Variants in ABCA9 observed in about 807,000 individuals in gnomAD.
ABCA9 encodes ATP binding cassette subfamily A member 9.
In ABCA9, 183 loss-of-function variants were observed where a neutral mutation model predicts 205.3. The observed-to-expected ratio is 0.89, with a 90% CI of 0.79 to 1.01. The LOEUF is 1.01. Among genes scored for constraint, ABCA9 ranks in the 50% least tolerant of loss-of-function variants. The probability of loss-of-function intolerance (pLI) is 0.00; values close to 1 mark genes in which losing one functional copy is unlikely to be tolerated. For synonymous variants in ABCA9, 651 were observed against 683.3 expected, an observed-to-expected ratio of 0.95 and a Z score of 0.74; for missense variants, 1,805 against 1,912.4, an observed-to-expected ratio of 0.94 and a Z score of 1.05.
intron 6 of ABCA9, among the ~76,000 whole-genome samples, chr17:69,039,656 A>G (rs544487651): frequency 6.6e-6 from 1 of 152,226 alleles, no homozygotes; most frequent in African/African-American, 2.4e-5. Context: ...CAAAGACTTC[A>G]TGACTAAAAC....
chr17:69,076,934 C>T, the ABCA9 span, among the ~76,000 whole-genome samples: 37 of 151,846 alleles, frequency 2.4e-4, 1 homozygote, highest in East Asian at 6.6e-3. Context: ...AGTTGTCTAT[C>T]GATCTTGTTT....
Position 68,992,164 on chromosome 17 carries a change from A to T in ABCA9, c.3716+11T>A. On this transcript the variant is annotated intron_variant, in intron 28 of 38. Transcript: ENST00000340001. ...AAAATGAAACATGAAATTCGATTTG[A>T]TTTTCTCAACCTGAACACAGGATCC... 1 of 1,536,674 alleles carries T rather than the reference A, an allele frequency of 6.5e-7. No individual in the cohort carries two copies.
intron 3 of ABCA9, among the ~76,000 whole-genome samples, chr17:69,046,953 AATTG>A (rs2071737910): frequency 7.5e-6 from 1 of 133,876 alleles, no homozygotes; most frequent in Non-Finnish European, 1.6e-5. Context: ...ATATATATAT[AATTG>A]TTGTTTGTTG....
intron 6 of ABCA9, among the ~76,000 whole-genome samples, chr17:69,041,911 CTTTATT>C (rs1567967089): frequency 1.3e-5 from 2 of 152,086 alleles, no homozygotes; most frequent in African/African-American, 2.4e-5. Flanking sequence ...ATCACATAAA[CTTTATT>C]TTTTTCTACT....
At position 69,008,148 on chromosome 17, in the gene ABCA9, A is replaced by T; in HGVS notation, c.3235T>A (p.Phe1079Ile). The change falls in exon 24 of 39, where the codon TTT (phenylalanine) becomes ATT (isoleucine). Residue 1079 changes from phenylalanine to isoleucine, a missense_variant. By Grantham distance (21) the Phe-to-Ile change is conservative. Coordinates refer to ENST00000340001, the MANE Select transcript of ABCA9 (RefSeq NM_080283.4). ...ATTTGCATTAGCAGGAGGATCAAAAAGTACAGGGAAACATCCACCAGTGCT... is the reference window on the plus strand; with the variant it reads ...ATTTGCATTAGCAGGAGGATCAAAATGTACAGGGAAACATCCACCAGTGCT... Reference protein sequence around the residue: ...GQALVDVSLYFLILLLMQIMD... With the variant: ...GQALVDVSLYILILLLMQIMD... The T allele has an allele frequency of 6.2e-7, 1 of 1,613,596 alleles. No individual in the cohort carries two copies. Among genetic ancestry groups the T allele is most frequent in the South Asian group, 1.1e-5 (1 of 91,072 alleles).
At chr17:68,985,580 C>T (rs559343646) in intron 32 of ABCA9, among the ~76,000 whole-genome samples, 2 of 152,070 alleles carry the variant, frequency 1.3e-5, no homozygotes, top group South Asian at 2.1e-4. Flanking sequence ...TGAGATCGCA[C>T]CACTGCACTC....
At position 68,990,928 on chromosome 17, in the gene ABCA9, G is replaced by A; in HGVS notation, c.3746C>T (p.Pro1249Leu). The change falls in exon 29 of 39, where the codon CCA becomes CTA. Residue 1249 changes from proline to leucine, a missense_variant. Transcript: ENST00000340001. ...RISPRSNAIF[P>L]NPEEPEGEEE... ...CTCTCCTTCAGGCTCTTCTGGGTTT[G>A]GAAAAATAGCGTTGCTTCTTGGAGA... 10 of 1,612,526 alleles carry A rather than the reference G, an allele frequency of 6.2e-6. No individual in the cohort carries two copies. Among genetic ancestry groups the A allele is most frequent in the Non-Finnish European group, 8.5e-6 (10 of 1,179,602 alleles).
the ABCA9 span, among the ~76,000 whole-genome samples, chr17:69,072,888 A>T: frequency 6.6e-6 from 1 of 152,252 alleles, no homozygotes; most frequent in African/African-American, 2.4e-5. Context: ...GCTGCTCAAA[A>T]TGAAGGGATG....
chr17:69,010,403 G>A (rs984486527), intron 23 of ABCA9, among the ~76,000 whole-genome samples: 1 of 152,062 alleles, frequency 6.6e-6, no homozygotes, highest in African/African-American at 2.4e-5. Flanking sequence ...CAATGTAAAG[G>A]CCCAGATGAT....
Position 69,023,900 on chromosome 17 carries a change from A to ACT in ABCA9, c.2281+312_2281+313dup, listed in dbSNP as rs2070898162. ...ATATACCTGTTCCTGCCCTGACCAC[A>ACT]CTCTCTCATTCATTACTGAAACAAA... On this transcript the variant is annotated intron_variant, in intron 17 of 38. Coordinates refer to ENST00000340001, the MANE Select transcript of ABCA9 (RefSeq NM_080283.4). This position sits in a 1 kb window ranked among gnomAD's most constrained non-coding sequence, Gnocchi z 4.2. Among the ~76,000 whole-genome samples, 1 of 151,654 alleles carries ACT rather than the reference A, an allele frequency of 6.6e-6. No individual in the cohort carries two copies. The highest frequency in any genetic ancestry group is 2.4e-5 in the African/African-American group (1 of 41,208).
At chr17:69,036,083 AGACATCTATGCT>A (rs2071329311) in intron 6 of ABCA9, among the ~76,000 whole-genome samples, 1 of 152,184 alleles carries the variant, frequency 6.6e-6, no homozygotes, top group South Asian at 2.1e-4. Flanking sequence ...TTTTCTGGGA[AGACATCTATGCT>A]GATTTCTCAG....
upstream of ABCA9, among the ~76,000 whole-genome samples, chr17:69,063,889 A>G (rs998450106): frequency 3.3e-5 from 5 of 152,200 alleles, no homozygotes; most frequent in African/African-American, 4.8e-5. Context: ...TTTCTTAAAA[A>G]TGTAATAAAT....
At chr17:69,042,631 G>A (rs1195963297) in intron 6 of ABCA9, 1 of 152,166 alleles carries the variant, frequency 6.6e-6, no homozygotes, top group African/African-American at 2.4e-5. Flanking sequence ...GTGTATTTGG[G>A]TTCACCCATA....
rs894249908 is a variant in ABCA9 at position 69,035,288 on chromosome 17, C to T, written c.1086G>A (p.Leu362=). 56 of 1,605,166 alleles carry T rather than the reference C, an allele frequency of 3.5e-5. No individual in the cohort carries two copies. Among genetic ancestry groups the T allele is most frequent in the Non-Finnish European group, 4.3e-5 (50 of 1,175,810 alleles). The change falls in exon 8 of 39, where the codon TTG becomes TTA. Residue 362 remains leucine, a synonymous_variant. Coordinates refer to ENST00000340001, the MANE Select transcript of ABCA9 (RefSeq NM_080283.4). ...TRLPAFLEWT[L]CLLSPFAFTV... The stretch of plus-strand genomic sequence containing the variant: ...TGAAGGCAAAGGGGCTAAGAAGACA[C>T]AAAGTCCATTCCAAAAATGCAGGAA...
intron 8 of ABCA9, chr17:69,034,839 T>C (rs1409844495): frequency 6.5e-6 from 1 of 152,838 alleles, no homozygotes; most frequent in Non-Finnish European, 1.5e-5. Flanking sequence ...ATTATAGTTA[T>C]GATATCATAA....
chr17:69,008,038 C>A (rs1354934281), intron 24 of ABCA9, 24 bp downstream of exon 24: 5 of 1,576,796 alleles, frequency 3.2e-6, no homozygotes, highest in South Asian at 1.1e-5. Context: ...CTAATAAAAC[C>A]ATTTCAAAAT....
Position 68,986,249 on chromosome 17 carries a change from G to C in ABCA9, c.4123C>G (p.Pro1375Ala), listed in dbSNP as rs767598682. The C allele has an allele frequency of 1.2e-6, 2 of 1,614,038 alleles. No homozygotes were observed. The highest frequency in any genetic ancestry group is 4.5e-5 in the East Asian group (2 of 44,854). The change falls in exon 32 of 39, where the codon CCC becomes GCC. Residue 1375 changes from proline (P) to alanine (A), a missense_variant. Transcript: ENST00000340001. ...GYCPQENALW[P>A]NLTVRQHLEV... ...AGGTGCTGCCTCACTGTCAGGTTGG[G>C]CCACAGCGCATTCTCCTGAGGGCAG...
intron 37 of ABCA9, among the ~76,000 whole-genome samples, chr17:68,980,545 A>T (rs1273168786): frequency 6.6e-6 from 1 of 152,124 alleles, no homozygotes; most frequent in Admixed American, 6.5e-5. Flanking sequence ...CACATGTCCA[A>T]CAATGATAGA....
At chr17:69,007,388 G>A (rs558457409) in intron 25 of ABCA9, among the ~76,000 whole-genome samples, 33 of 152,240 alleles carry the variant, frequency 2.2e-4, no homozygotes, top group East Asian at 1.7e-3. Context: ...GCGACAGAGC[G>A]AGACTCTGTC....
Sources: gnomAD v4.1 joint callset for allele counts (sites outside exome capture counted in the v4.1 genomes callset) on GRCh38, gnomAD v4.1.1 for gene constraint, Gnocchi (gnomAD v3.1) non-coding constraint, MANE v1.5 for transcripts, NCBI Gene and HGNC (gene_info 2026-07-23, HGNC 2026-07-21) for gene names.